Variants in ATG4C observed in about 807,000 individuals in gnomAD.
ATG4C encodes the protein autophagy related 4C cysteine peptidase.
In ATG4C, 56 loss-of-function variants were observed where a neutral mutation model predicts 57.6. That is an observed-to-expected ratio of 0.97 (90% CI 0.78 to 1.21). The LOEUF (loss-of-function observed/expected upper bound fraction) is 1.21. Among genes scored for constraint, ATG4C ranks in the 50% most tolerant of loss-of-function variants. ATG4C has a pLI of 0.00. For missense variants in ATG4C, 595 were observed against 529.8 expected (o/e 1.12, Z -1.21); for synonymous variants, 157 against 174.1 (o/e 0.90, Z 0.78).
intron 1 of ATG4C, among the ~76,000 whole-genome samples, chr1:62,798,927 G>A (rs1331373141): frequency 6.6e-6 from 1 of 152,150 alleles, no homozygotes; most frequent in Non-Finnish European, 1.5e-5. Flanking sequence ...ATAGGCGTGA[G>A]CCACCGCCCC....
chr1:62,812,963 A>G (rs1365405502), intron 3 of ATG4C, among the ~76,000 whole-genome samples: 2 of 152,188 alleles, frequency 1.3e-5, no homozygotes, highest in African/African-American at 4.8e-5. Context: ...TGCTCAAGGG[A>G]ATAAAAGAGG....
rs1282828916 is a variant in ATG4C at position 62,790,501 on chromosome 1, G to GGT, written c.-69+6229_-69+6230dup. Among the ~76,000 whole-genome samples the GGT allele has an allele frequency of 8.5e-5, 13 of 152,068 alleles. No individual in the cohort carries two copies. In the South Asian group the frequency reaches 2.5e-3, roughly 29 times the overall value. On this transcript the variant is annotated intron_variant, in intron 1 of 10. Transcript: ENST00000317868. ...TGTTCTTAGAATATATCCCACTAAA[G>GGT]GTATATATAGTCAAAATAGGTGTTC...
At chr1:62,807,493 C>T (rs1243059451) in intron 3 of ATG4C, among the ~76,000 whole-genome samples, 2 of 152,156 alleles carry the variant, frequency 1.3e-5, no homozygotes, top group Non-Finnish European at 2.9e-5. Context: ...AGCCCCATTC[C>T]CAATCCTCTG....
chr1:62,821,375 A>T (rs1191326167), intron 6 of ATG4C, among the ~76,000 whole-genome samples, 166 bp downstream of exon 6: 4 of 152,106 alleles, frequency 2.6e-5, no homozygotes, highest in African/African-American at 9.6e-5. Context: ...TTTTTGATTG[A>T]ATACATACTA....
At position 62,864,398 on chromosome 1, in the gene ATG4C, C is replaced by G. The variant is rs1261985866; in HGVS notation, c.*239C>G. 1 of 343,726 alleles carries G rather than the reference C, an allele frequency of 2.9e-6. No homozygotes were observed. The highest frequency in any genetic ancestry group is 5.3e-6 in the Non-Finnish European group (1 of 188,256). 21.3% of individuals were successfully genotyped at this position (343,726 alleles called of 1,614,324 possible). A position where few individuals can be genotyped will look rare whatever the true frequency, so the allele number is the denominator to read the frequency against. ...GGTTGCATTCCTATTTCCCTAAGAT[C>G]TACTAGTGATAATTCTACCTTAACT... On this transcript the variant is annotated 3_prime_UTR_variant, in exon 11 of 11. Coordinates refer to ENST00000317868, the MANE Select transcript of ATG4C (RefSeq NM_032852.4).
chr1:62,814,568 A>G (rs1330935558), intron 3 of ATG4C, among the ~76,000 whole-genome samples: 1 of 152,176 alleles, frequency 6.6e-6, no homozygotes, highest in Non-Finnish European at 1.5e-5. Context: ...TGTTTTGCAC[A>G]TTTATTCCTG....
intron 10 of ATG4C, among the ~76,000 whole-genome samples, chr1:62,846,647 C>T (rs1048131157): frequency 6.6e-6 from 1 of 152,168 alleles, no homozygotes; most frequent in Admixed American, 6.6e-5. Context: ...ACTGTCTGCT[C>T]AGGCCAAAGC....
chr1:62,806,682 C>A (rs1477895122), intron 3 of ATG4C, among the ~76,000 whole-genome samples: 1 of 151,968 alleles, frequency 6.6e-6, no homozygotes, highest in Non-Finnish European at 1.5e-5. Context: ...AGAGAGAGAG[C>A]CAGAAAGGCA....
intron 3 of ATG4C, among the ~76,000 whole-genome samples, chr1:62,815,435 T>A (rs568622051): frequency 6.6e-6 from 1 of 152,212 alleles, no homozygotes; most frequent in African/African-American, 2.4e-5. Flanking sequence ...CTTATTTATA[T>A]GTTATACACC....
At chr1:62,847,324 T>G (rs1414482108) in intron 10 of ATG4C, among the ~76,000 whole-genome samples, 1 of 152,222 alleles carries the variant, frequency 6.6e-6, no homozygotes, top group East Asian at 1.9e-4. Flanking sequence ...TGAATGTCTG[T>G]CTGGAGCTGG....
chr1:62,857,998 A>C (rs1213412080), intron 10 of ATG4C, among the ~76,000 whole-genome samples: 1 of 152,126 alleles, frequency 6.6e-6, no homozygotes, highest in East Asian at 1.9e-4. Context: ...TCTTACATCT[A>C]CCTGCCCCTT....
At chr1:62,821,234 C>T in intron 6 of ATG4C, 25 bp downstream of exon 6, 1 of 1,472,324 alleles carries the variant, frequency 6.8e-7, no homozygotes, top group Non-Finnish European at 9.2e-7. Context: ...TAATTCTAAT[C>T]TTTGTTTTAT....
At chr1:62,801,345 A>G (rs1380782644) in intron 1 of ATG4C, among the ~76,000 whole-genome samples, 1 of 152,188 alleles carries the variant, frequency 6.6e-6, no homozygotes. Context: ...TATATATCCA[A>G]CTGCCTAGTT....
chr1:62,789,919 CT>C lies in ATG4C; in HGVS notation c.-69+5659del, dbSNP rs113736770. Among the ~76,000 whole-genome samples the C allele has an allele frequency of 6.3e-3, 918 of 145,606 alleles. 7 individuals are homozygous for C. Among genetic ancestry groups the C allele is most frequent in the African/African-American group, 0.018 (734 of 40,174 alleles). On this transcript the variant is annotated intron_variant, in intron 1 of 10. Transcript: ENST00000317868. Reference sequence around the variant, plus strand: ...CCCTTTAAATGGACACACATATACACTTTTTTTTTTTTTGAGACAGTGTCTT... The same window carrying C: ...CCCTTTAAATGGACACACATATACACTTTTTTTTTTTTGAGACAGTGTCTT...
intron 2 of ATG4C, among the ~76,000 whole-genome samples, chr1:62,804,495 A>G (rs1664791921): frequency 1.3e-5 from 2 of 151,562 alleles, no homozygotes; most frequent in South Asian, 4.1e-4. Context: ...TCAGGTGATG[A>G]TAATACCTTG....
Position 62,864,241 on chromosome 1 carries a change from A to G in ATG4C, c.*82A>G. 4.6e-6 allele frequency: 5 copies of G among 1,085,634 alleles called. No homozygotes were observed. The highest frequency in any genetic ancestry group is 5.1e-4 in the Middle Eastern group (2 of 3,908). The allele number at this position is 1,085,634 out of a possible 1,614,324, so 67.3% of individuals were successfully genotyped here. On this transcript the variant is annotated 3_prime_UTR_variant, in exon 11 of 11. Coordinates refer to ENST00000317868, the MANE Select transcript of ATG4C (RefSeq NM_032852.4). ...AGAAACAAGTATATCTGAAATGTTT[A>G]TTTTCACAAATATCTTAATTTTATA...
intron 5 of ATG4C, among the ~76,000 whole-genome samples, chr1:62,819,634 C>T (rs1219377995): frequency 6.6e-6 from 1 of 151,972 alleles, no homozygotes; most frequent in African/African-American, 2.4e-5. Context: ...ACTAACATCT[C>T]TTTCAACCTT....
chr1:62,802,279 TCTC>T (rs1488038080), intron 1 of ATG4C, among the ~76,000 whole-genome samples: 1 of 152,022 alleles, frequency 6.6e-6, no homozygotes, highest in Non-Finnish European at 1.5e-5. Context: ...CAAGCTATCA[TCTC>T]CTAGTCCTGT....
intron 7 of ATG4C, among the ~76,000 whole-genome samples, chr1:62,831,728 G>A (rs1665848525): frequency 6.6e-6 from 1 of 151,982 alleles, no homozygotes; most frequent in East Asian, 1.9e-4. Context: ...AGCTCTTTTA[G>A]GAACTGAAAA....
Sources: allele counts gnomAD v4.1 joint callset (sites outside exome capture counted in the v4.1 genomes callset), GRCh38; gene constraint gnomAD v4.1.1; transcripts MANE v1.5; gene names NCBI Gene and HGNC (gene_info 2026-07-23, HGNC 2026-07-21).